The following GALNT7 variants were observed in gnomAD, a reference collection of about 807,000 sequenced individuals.
GALNT7 encodes N-acetylgalactosaminyltransferase 7.
A neutral mutation model predicts 82.1 loss-of-function variants in GALNT7; 60 were observed. That is an observed-to-expected ratio of 0.73 (90% CI 0.59 to 0.91). GALNT7 has a LOEUF of 0.91. GALNT7 is among the 40% of genes least tolerant of loss of function. The pLI is 0.00. For missense variants in GALNT7, 660 were observed against 804.2 expected (o/e 0.82, Z 2.17); for synonymous variants, 243 against 275.1 (o/e 0.88, Z 1.15).
intron 2 of GALNT7, among the ~76,000 whole-genome samples, chr4:173,271,357 G>A (rs1735715140): frequency 6.6e-6 from 1 of 152,178 alleles, no homozygotes; most frequent in South Asian, 2.1e-4. Flanking sequence ...TTTATGTTTA[G>A]TAGAATATTT....
chr4:173,288,569 G>A (rs1162449860), intron 2 of GALNT7, among the ~76,000 whole-genome samples: 1 of 152,078 alleles, frequency 6.6e-6, no homozygotes, highest in Non-Finnish European at 1.5e-5. Flanking sequence ...GAGGTTTGGG[G>A]TTTAATAGGC....
At chr4:173,247,099 A>G (rs1334834365) in intron 1 of GALNT7, among the ~76,000 whole-genome samples, 2 of 151,990 alleles carry the variant, frequency 1.3e-5, no homozygotes, top group Non-Finnish European at 2.9e-5. Context: ...AGACATTGGC[A>G]TTTTTTAAAG....
In GALNT7 at chr4:173,226,775, G is replaced by C. The variant is rs146037449; in HGVS notation, c.127-21205G>C. Among the ~76,000 whole-genome samples, 253 of 152,244 alleles carry C rather than the reference G, an allele frequency of 1.7e-3. 1 individual carries two copies. The highest frequency in any genetic ancestry group is 2.0e-3 in the Non-Finnish European group (136 of 68,012). On this transcript the variant is annotated intron_variant, in intron 1 of 11. Coordinates refer to ENST00000265000, the MANE Select transcript of GALNT7 (RefSeq NM_017423.3). The stretch of plus-strand genomic sequence containing the variant: ...TTGTATATGGGATTATGTGCTCTCA[G>C]CATAAGAAATGCCTGATTTTTCCAT...
At chr4:173,225,786 A>T (rs1220853610) in intron 1 of GALNT7, among the ~76,000 whole-genome samples, 1 of 152,184 alleles carries the variant, frequency 6.6e-6, no homozygotes, top group Non-Finnish European at 1.5e-5. Context: ...GTTGTTAGAG[A>T]TACCTGACAG....
At chr4:173,313,072 T>A (rs1737449664) in intron 8 of GALNT7, among the ~76,000 whole-genome samples, 1 of 151,922 alleles carries the variant, frequency 6.6e-6, no homozygotes, top group Non-Finnish European at 1.5e-5. Context: ...AATATATATT[T>A]TTTTTAAATT....
At chr4:173,286,986 G>T (rs1232183920) in intron 2 of GALNT7, among the ~76,000 whole-genome samples, 4 of 152,232 alleles carry the variant, frequency 2.6e-5, no homozygotes, top group Non-Finnish European at 5.9e-5. Flanking sequence ...GACTTCCTTG[G>T]TTGGGGGACA....
At chr4:173,279,388 C>T (rs1030275089) in intron 2 of GALNT7, among the ~76,000 whole-genome samples, 5 of 152,176 alleles carry the variant, frequency 3.3e-5, no homozygotes, top group African/African-American at 7.2e-5. Context: ...TCCGCCCCCA[C>T]GATCAAATCA....
In GALNT7 at chr4:173,181,867, G is replaced by A. The variant is rs370322698; in HGVS notation, c.126+12906G>A. On this transcript the variant is annotated intron_variant, in intron 1 of 11. Coordinates refer to ENST00000265000, the MANE Select transcript of GALNT7 (RefSeq NM_017423.3). ...GGAAGGTTTTAATGAATGCGGCTTC[G>A]TCTTACTTTCCATTAATTATGACTG... Among the ~76,000 whole-genome samples, 48 of 152,272 alleles carry A rather than the reference G, an allele frequency of 3.2e-4. 1 individual carries two copies. In the East Asian group the frequency reaches 5.2e-3, roughly 17 times the overall value.
chr4:173,273,825 G>A (rs1735810533), intron 2 of GALNT7, among the ~76,000 whole-genome samples: 1 of 151,880 alleles, frequency 6.6e-6, no homozygotes, highest in Non-Finnish European at 1.5e-5. Flanking sequence ...GTCTTTGTAA[G>A]CTGCTCAAAG....
chr4:173,237,547 C>G (rs967910078), intron 1 of GALNT7, among the ~76,000 whole-genome samples: 1 of 152,078 alleles, frequency 6.6e-6, no homozygotes, highest in African/African-American at 2.4e-5. Context: ...TTCTTAGTGT[C>G]ATAAGAATTA....
chr4:173,275,263 C>T (rs927248574), intron 2 of GALNT7, among the ~76,000 whole-genome samples: 5 of 152,170 alleles, frequency 3.3e-5, no homozygotes, highest in African/African-American at 1.2e-4. Context: ...CTGAATGGTC[C>T]AATGACGATG....
At chr4:173,235,042 C>T (rs940648006) in intron 1 of GALNT7, among the ~76,000 whole-genome samples, 2 of 151,970 alleles carry the variant, frequency 1.3e-5, no homozygotes, top group South Asian at 2.1e-4. Context: ...TTCTTTATAG[C>T]AATACAAATG....
At chr4:173,168,996 G>C in intron 1 of GALNT7, 35 bp downstream of exon 1, 1 of 1,605,456 alleles carries the variant, frequency 6.2e-7, no homozygotes, top group Non-Finnish European at 8.5e-7. Context: ...CGGCGGCAGC[G>C]ACCGGCAACT....
chr4:173,284,942 C>A (rs1228944932), intron 2 of GALNT7, among the ~76,000 whole-genome samples: 3 of 152,056 alleles, frequency 2.0e-5, no homozygotes, highest in Non-Finnish European at 4.4e-5. Context: ...ACAAGTTTTG[C>A]TGAAGAGTAG....
intron 1 of GALNT7, among the ~76,000 whole-genome samples, chr4:173,226,668 A>C (rs543795068): frequency 5.2e-4 from 79 of 152,230 alleles, no homozygotes; most frequent in African/African-American, 1.8e-3. Flanking sequence ...GTGAACTTGG[A>C]GGCAGAAGGG....
At chr4:173,313,139 GTTCTA>G (rs1191595179) in intron 8 of GALNT7, among the ~76,000 whole-genome samples, 1 of 152,098 alleles carries the variant, frequency 6.6e-6, no homozygotes, top group Non-Finnish European at 1.5e-5. Context: ...TAGTAAAATA[GTTCTA>G]TTATAGTTAT....
At chr4:173,177,344 T>C (rs754135557) in intron 1 of GALNT7, among the ~76,000 whole-genome samples, 30 of 152,124 alleles carry the variant, frequency 2.0e-4, no homozygotes, top group Non-Finnish European at 4.0e-4. Context: ...GCATATAGTA[T>C]TTTATAGAAC....
chr4:173,203,370 C>T (rs968812174), intron 1 of GALNT7, among the ~76,000 whole-genome samples: 4 of 152,214 alleles, frequency 2.6e-5, no homozygotes, highest in Non-Finnish European at 4.4e-5. Flanking sequence ...GGATTACAGG[C>T]GTGAGCCACC....
At chr4:173,194,649 T>TATGTTATATTTTGTATGTTATATTTA (rs1732723165) in intron 1 of GALNT7, among the ~76,000 whole-genome samples, 1 of 152,342 alleles carries the variant, frequency 6.6e-6, no homozygotes, top group African/African-American at 2.4e-5. Context: ...TTAGTTTTTT[T>TATGTTATATTTTGTATGTTATATTTA]TATGTTATAT....
Sources: allele counts gnomAD v4.1 joint callset (sites outside exome capture counted in the v4.1 genomes callset), GRCh38; gene constraint gnomAD v4.1.1; transcripts MANE v1.5; gene names NCBI Gene and HGNC (gene_info 2026-07-23, HGNC 2026-07-21).